BRD1: variants seen among roughly 807,000 people sequenced by gnomAD.
BRD1 encodes bromodomain-containing protein 1.
BRD1 carries 24 observed loss-of-function variants against 107.7 expected under a neutral mutation model. The ratio of observed to expected loss-of-function variants is 0.22; its 90% CI spans 0.16 to 0.31. BRD1 has a LOEUF of 0.31. Ranked by LOEUF, BRD1 falls within the 10% of genes least tolerant of loss-of-function variation. The pLI is 1.00. For synonymous variants in BRD1, 744 were observed against 686.1 expected, an observed-to-expected ratio of 1.08 and a Z score of -1.32; for missense variants, 1,279 against 1,638.6, an observed-to-expected ratio of 0.78 and a Z score of 3.79.
intron 8 of BRD1, among the ~76,000 whole-genome samples, chr22:49,782,024 A>G (rs1445347150): frequency 1.4e-5 from 2 of 147,856 alleles, no homozygotes; most frequent in Non-Finnish European, 3.0e-5. Flanking sequence ...GCTCCGTGAC[A>G]ATGCAGCCGG....
At position 49,827,835 on chromosome 22, in the gene BRD1, C is replaced by T. The variant is rs1180686533; in HGVS notation, c.-353G>A. ...CGCGGGGCTGGCTCGGACTCCAGGG[C>T]CGGGTCGCTCGCTCGCTCCCCAGCG... is the stretch of plus-strand genomic sequence containing the variant. On this transcript the variant is annotated 5_prime_UTR_variant, in exon 1 of 13. Transcript: ENST00000404760. Among the ~76,000 whole-genome samples the T allele has an allele frequency of 1.4e-5, 2 of 145,376 alleles. No homozygotes were observed. The highest frequency in any genetic ancestry group is 6.8e-5 in the Admixed American group (1 of 14,746).
rs143839250 is a variant in BRD1 at position 49,794,661 on chromosome 22, C to T, written c.2099-367G>A. Among the ~76,000 whole-genome samples, 154 of 152,344 alleles carry T rather than the reference C, an allele frequency of 1.0e-3. 1 individual carries two copies. The East Asian group carries it at 0.013, about 12-fold the overall frequency. ...CACACAGACCCCAGAGAGAGGCGCA[C>T]GCTCCACCAACCCAGCACAACTCAG... On this transcript the variant is annotated intron_variant, in intron 6 of 12. Coordinates refer to ENST00000404760, the MANE Select transcript of BRD1 (RefSeq NM_001304808.3).
chr22:49,810,160 GAGCA>G (rs971566849), intron 2 of BRD1, among the ~76,000 whole-genome samples: 4 of 152,092 alleles, frequency 2.6e-5, no homozygotes, highest in African/African-American at 9.7e-5. Flanking sequence ...GAAAGCGAGC[GAGCA>G]AGCAAGCAAG....
In BRD1 at chr22:49,773,994, C is replaced by A; in HGVS notation, c.*239G>T. Reference sequence around the variant, plus strand: ...TACATATCAAAGAAAGTGACGCCAGCAGCACGGCCTGGGGACGTGCGACAG... The same window carrying A: ...TACATATCAAAGAAAGTGACGCCAGAAGCACGGCCTGGGGACGTGCGACAG... On this transcript the variant is annotated 3_prime_UTR_variant, in exon 13 of 13. Transcript: ENST00000404760. 2.5e-6 allele frequency: 1 copy of A among 401,428 alleles called. No individual in the cohort carries two copies. The highest frequency in any genetic ancestry group is 4.3e-5 in the Admixed American group (1 of 23,020). The allele number at this position is 401,428 out of a possible 1,614,324, so 24.9% of individuals were successfully genotyped here.
intron 2 of BRD1, among the ~76,000 whole-genome samples, chr22:49,814,387 G>A (rs1273852289): frequency 1.3e-5 from 2 of 152,184 alleles, no homozygotes; most frequent in Non-Finnish European, 2.9e-5. Context: ...GGAAACACAT[G>A]AGACCAGCCG....
At chr22:49,777,907 G>A in intron 8 of BRD1, 94 bp from the exon 9 acceptor site, 1 of 1,454,228 alleles carries the variant, frequency 6.9e-7, no homozygotes, top group Non-Finnish European at 9.1e-7. Flanking sequence ...ATCTTACAAA[G>A]CACGTTTCAC....
At position 49,808,852 on chromosome 22, in the gene BRD1, C is replaced by T. The variant is rs536306286; in HGVS notation, c.1368-4492G>A. ...AGAAAAAGTGAGCCGGGCGCAGTGG[C>T]TTCCGCCTGTAATCCCAGCACTTTT... On this transcript the variant is annotated intron_variant, in intron 2 of 12. Transcript: ENST00000404760. Among the ~76,000 whole-genome samples the T allele has an allele frequency of 5.9e-5, 9 of 152,352 alleles. No homozygotes were observed. The South Asian group carries it at 1.9e-3, about 32-fold the overall frequency.
chr22:49,775,876 TC>T, intron 11 of BRD1, 131 bp from the exon 12 acceptor site: 6 of 633,674 alleles, frequency 9.5e-6, no homozygotes, highest in Admixed American at 1.1e-4. Context: ...CACGCCCCCC[TC>T]GCCGAACCAC....
At chr22:49,814,372 G>A (rs953711467) in intron 2 of BRD1, among the ~76,000 whole-genome samples, 2 of 152,142 alleles carry the variant, frequency 1.3e-5, no homozygotes, top group East Asian at 1.9e-4. Context: ...CACATCCATC[G>A]CTCAGGAAAC....
chr22:49,826,219 C>A (rs1288203228), intron 1 of BRD1: 3 of 985,452 alleles, frequency 3.0e-6, no homozygotes, highest in East Asian at 1.1e-4. Context: ...CGACAAGCAG[C>A]CCCTGGAAAC....
intron 2 of BRD1, 127 bp downstream of exon 2, chr22:49,822,824 A>G (rs1268290358): frequency 1.0e-5 from 11 of 1,084,108 alleles, no homozygotes; most frequent in Non-Finnish European, 1.5e-5. Context: ...CTTCAGGGGA[A>G]TATTAGGAAG....
At chr22:49,808,333 T>A (rs2059783310) in intron 2 of BRD1, among the ~76,000 whole-genome samples, 1 of 152,354 alleles carries the variant, frequency 6.6e-6, no homozygotes, top group Admixed American at 6.5e-5. Flanking sequence ...TACAGAGGGT[T>A]ATTCAGCCTT....
intron 2 of BRD1, chr22:49,818,259 C>G (rs1298532596): frequency 1.8e-5 from 23 of 1,256,754 alleles, no homozygotes; most frequent in East Asian, 5.8e-5. Context: ...GAAGTCCAGG[C>G]TCTCGTAGTA....
Position 49,800,110 on chromosome 22 carries a change from G to A in BRD1, c.1525-991C>T, listed in dbSNP as rs546631930. On this transcript the variant is annotated intron_variant, in intron 3 of 12. Transcript: ENST00000404760. Reference sequence around the variant, plus strand: ...CCTCTCCCCCAACGCCTCTGTCCCCGGGTTCCCACCTGCCCACCTCAGGGT... The same window carrying A: ...CCTCTCCCCCAACGCCTCTGTCCCCAGGTTCCCACCTGCCCACCTCAGGGT... Among the ~76,000 whole-genome samples, 165 of 152,240 alleles carry A rather than the reference G, an allele frequency of 1.1e-3. 1 individual carries two copies. Among genetic ancestry groups the A allele is most frequent in the African/African-American group, 3.6e-3 (150 of 41,528 alleles).
At position 49,773,805 on chromosome 22, in the gene BRD1, TC is replaced by T. The variant is rs1601588449; in HGVS notation, c.*427del. ...TGATGTACACAGCATAACTTTATTC[TC>T]CCCTCTTTCCACAAAGTACCATTCA... On this transcript the variant is annotated 3_prime_UTR_variant, in exon 13 of 13. Coordinates refer to ENST00000404760, the MANE Select transcript of BRD1 (RefSeq NM_001304808.3). 2 of 154,284 alleles carry T rather than the reference TC, an allele frequency of 1.3e-5. No homozygotes were observed. The highest frequency in any genetic ancestry group is 2.9e-5 in the Non-Finnish European group (2 of 69,262). 9.6% of individuals were successfully genotyped at this position (154,284 alleles called of 1,614,324 possible).
At chr22:49,818,191 G>T in intron 2 of BRD1, 1 of 1,072,960 alleles carries the variant, frequency 9.3e-7, no homozygotes, top group Non-Finnish European at 1.1e-6. Context: ...TTCGAATGAA[G>T]GTAGGAGGAG....
chr22:49,822,961 G>A lies in BRD1; in HGVS notation c.1357C>T (p.Pro453Ser), dbSNP rs1235486782. Reference protein sequence around the residue: ...VLPTVCAPYIPPQRLNRIANQ... With the variant: ...VLPTVCAPYISPQRLNRIANQ... ...CTTGGACACGCTTACCTCTGCGGGGGAATATAAGGAGCGCACACGGTCGGC... is the reference window on the plus strand; with the variant it reads ...CTTGGACACGCTTACCTCTGCGGGGAAATATAAGGAGCGCACACGGTCGGC... Residue 453 changes from proline (P) to serine (S), a missense_variant, in exon 2 of 13, where the codon CCC becomes TCC. By Grantham distance (74) the Pro-to-Ser change is moderately conservative. Coordinates refer to ENST00000404760, the MANE Select transcript of BRD1 (RefSeq NM_001304808.3). The A allele has an allele frequency of 3.1e-6, 5 of 1,613,972 alleles. No individual in the cohort carries two copies. Among genetic ancestry groups the A allele is most frequent in the Admixed American group, 1.7e-5 (1 of 59,976 alleles).
intron 8 of BRD1, among the ~76,000 whole-genome samples, chr22:49,781,947 C>T (rs932058927): frequency 6.6e-6 from 1 of 151,018 alleles, no homozygotes; most frequent in Non-Finnish European, 1.5e-5. Flanking sequence ...GGACCTGCTC[C>T]GTGACAATGC....
Position 49,774,358 on chromosome 22 carries a change from A to C in BRD1, c.3445T>G (p.Leu1149Val), listed in dbSNP as rs1208414573. Residue 1149 changes from leucine to valine, a missense_variant, in exon 13 of 13, where the codon TTA (leucine) becomes GTA (valine). Around this residue, in one of 7 missense-constraint regions of BRD1, gnomAD observed 136 missense variants for 196.8 expected, o/e 0.69. Transcript: ENST00000404760. The part of the protein sequence containing the change: ...PLGIDETIDK[L>V]KMMEGRNSSI... ...GAATTCCTCCCTTCCATCATCTTTA[A>C]CTTGTCTATAGTTTCGTCAATACCA... 1 of 1,613,980 alleles carries C rather than the reference A, an allele frequency of 6.2e-7. No homozygotes were observed. The highest frequency in any genetic ancestry group is 8.5e-7 in the Non-Finnish European group (1 of 1,179,990).
Sources: allele counts gnomAD v4.1 joint callset (sites outside exome capture counted in the v4.1 genomes callset), GRCh38; gene constraint gnomAD v4.1.1; regional missense constraint gnomAD v4.1.1; transcripts MANE v1.5; gene names NCBI Gene and HGNC (gene_info 2026-07-23, HGNC 2026-07-21).